RIC8A: variants seen among roughly 807,000 people sequenced by gnomAD.
The protein encoded by RIC8A is chaperone Ric-8A.
A neutral mutation model predicts 48.4 loss-of-function variants in RIC8A; 37 were observed. That is an observed-to-expected ratio of 0.77 (90% CI 0.59 to 1.01). The LOEUF is 1.01. Ranked by LOEUF, RIC8A falls within the 50% of genes least tolerant of loss-of-function variation. RIC8A has a pLI of 0.00. For synonymous variants in RIC8A, 288 were observed against 283.4 expected, an observed-to-expected ratio of 1.02 and a Z score of -0.16; for missense variants, 681 against 696.8, an observed-to-expected ratio of 0.98 and a Z score of 0.25.
At chr11:209,343 G>C (rs1476624505) in intron 2 of RIC8A, 25 bp downstream of exon 2, 1 of 1,607,776 alleles carries the variant, frequency 6.2e-7, no homozygotes, top group South Asian at 1.1e-5. Context: ...AAGGGGTAAA[G>C]GGGCAGGGAC....
At position 211,216 on chromosome 11, in the gene RIC8A, T is replaced by C. The variant is rs777907934; in HGVS notation, c.836T>C (p.Leu279Pro). ...GTCCCCAGCCACGCAGTGAACCTCC[T>C]GGGGAACTTGCCCCTCAAGTGTCTG... ...EEFHGHAVNL[L>P]GNLPLKCLDV... is the part of the protein sequence containing the mutation. The change falls in exon 5 of 10, where the codon CTG becomes CCG. Residue 279 changes from leucine to proline, a missense_variant. By Grantham distance (98) the Leu-to-Pro change is moderately conservative. Coordinates refer to ENST00000526104, the MANE Select transcript of RIC8A (RefSeq NM_001286134.2). The surrounding 1 kb of genome is among the most constrained non-coding windows in gnomAD (Gnocchi z 4.0). 6.2e-7 allele frequency: 1 copy of C among 1,613,844 alleles called. No individual in the cohort carries two copies. The highest frequency in any genetic ancestry group is 8.5e-7 in the Non-Finnish European group (1 of 1,179,802).
chr11:212,322 T>G, intron 5 of RIC8A, 94 bp from the exon 6 acceptor site: 15 of 1,211,124 alleles, frequency 1.2e-5, no homozygotes, highest in Non-Finnish European at 1.7e-5. Flanking sequence ...AGCTGTTGTG[T>G]ATGTTGGTGG....
In RIC8A at chr11:211,822, C is replaced by T. The variant is rs1199663616; in HGVS notation, c.969+473C>T. 2 of 160,278 alleles carry T rather than the reference C, an allele frequency of 1.2e-5. No individual in the cohort carries two copies. Among genetic ancestry groups the T allele is most frequent in the Admixed American group, 6.0e-5 (1 of 16,764 alleles). 9.9% of individuals were successfully genotyped at this position (160,278 alleles called of 1,614,324 possible). On this transcript the variant is annotated intron_variant, in intron 5 of 9. Coordinates refer to ENST00000526104, the MANE Select transcript of RIC8A (RefSeq NM_001286134.2). The surrounding 1 kb of genome is among the most constrained non-coding windows in gnomAD (Gnocchi z 4.0). ...GAAAGCAGGCTGGAGTACAATAAAC[C>T]GAGATTTAGTAGACCTCCTGGGAAT...
rs1041491957 is a variant in RIC8A, at chr11:215,104, T to C, written c.*754T>C. The C allele has an allele frequency of 6.5e-6, 1 of 154,460 alleles. No homozygotes were observed. The highest frequency in any genetic ancestry group is 2.4e-5 in the African/African-American group (1 of 41,454). The allele number at this position is 154,460 out of a possible 1,614,324, so 9.6% of individuals were successfully genotyped here. A position where few individuals can be genotyped will look rare whatever the true frequency, so the allele number is the denominator to read the frequency against. ...ATCATCTTGAAATAAAGAAGAGTTT[T>C]GGACAAAAATGTATGTGTAAATTAT... On this transcript the variant is annotated 3_prime_UTR_variant, in exon 10 of 10. Coordinates refer to ENST00000526104, the MANE Select transcript of RIC8A (RefSeq NM_001286134.2).
chr11:211,540 C>T lies in RIC8A; in HGVS notation c.969+191C>T. 1.8e-6 allele frequency: 1 copy of T among 565,220 alleles called. No homozygotes were observed. The highest frequency in any genetic ancestry group is 2.4e-5 in the South Asian group (1 of 41,282). 35.0% of individuals were successfully genotyped at this position (565,220 alleles called of 1,614,324 possible). ...AGCCAGACCCTTCCTCCATGAGAAG[C>T]ATGTGGACACCTTCCACACACTTGA... On this transcript the variant is annotated intron_variant, in intron 5 of 9. Transcript: ENST00000526104. The surrounding 1 kb of genome is among the most constrained non-coding windows in gnomAD (Gnocchi z 4.0).
rs182578891 is a variant in RIC8A, at chr11:210,568, C to T, written c.727-3C>T. ...TCACAGGAACCCTTCTTTCTTTGGT[C>T]AGGAAGACGCTGCCCTTTACCGACA... On this transcript the variant is annotated splice_polypyrimidine_tract_variant and splice_region_variant and intron_variant, in intron 3 of 9. Coordinates refer to ENST00000526104, the MANE Select transcript of RIC8A (RefSeq NM_001286134.2). The T allele has an allele frequency of 4.8e-4, 770 of 1,613,984 alleles. No individual in the cohort carries two copies. Among genetic ancestry groups the T allele is most frequent in the Non-Finnish European group, 6.2e-4 (728 of 1,179,896 alleles).
chr11:209,495 C>G lies in RIC8A; in HGVS notation c.221C>G (p.Ser74Cys). ...VIWLQSVRIL[S>C]RDRNCLDPFT... ...TGGCTGCAGAGTGTCCGAATCCTGT[C>G]CCGGGACCGCAACTGCCTGGACCCG... Residue 74 changes from serine to cysteine, a missense_variant, in exon 3 of 10, where the codon TCC (serine) becomes TGC (cysteine). Transcript: ENST00000526104. The G allele has an allele frequency of 6.2e-7, 1 of 1,613,022 alleles. No homozygotes were observed. The highest frequency in any genetic ancestry group is 8.5e-7 in the Non-Finnish European group (1 of 1,179,240).
chr11:209,965 A>C lies in RIC8A; in HGVS notation c.691A>C (p.Ile231Leu). The change falls in exon 3 of 10, where the codon ATC becomes CTC. Residue 231 changes from isoleucine (I) to leucine (L), a missense_variant. Transcript: ENST00000526104. ...AMEILKVLFN[I>L]TLDSIKGEVD... is the part of the protein sequence containing the mutation. ...GGAGATCCTCAAAGTGCTCTTCAAC[A>C]TCACCCTGGACTCCATCAAGGGGGA... The C allele has an allele frequency of 6.3e-7, 1 of 1,597,944 alleles. No individual in the cohort carries two copies. The highest frequency in any genetic ancestry group is 1.3e-5 in the African/African-American group (1 of 74,978).
intron 9 of RIC8A, 113 bp from the exon 10 acceptor site, chr11:214,117 G>A (rs2133757446): frequency 2.3e-6 from 3 of 1,278,236 alleles, no homozygotes; most frequent in Middle Eastern, 2.3e-4. Flanking sequence ...GGCTTCCCCA[G>A]TAAATGGGAG....
intron 9 of RIC8A, chr11:213,653 G>A: frequency 2.1e-6 from 1 of 486,184 alleles, no homozygotes; most frequent in Admixed American, 3.5e-5. Flanking sequence ...GAAATTAAGA[G>A]ACTGTCTAAG....
chr11:213,548 G>A (rs759178848), intron 9 of RIC8A, 130 bp downstream of exon 9: 20 of 1,293,724 alleles, frequency 1.5e-5, no homozygotes, highest in Admixed American at 9.4e-5. Context: ...CATTGCTCAC[G>A]TTTGAAATCA....
At position 214,334 on chromosome 11, in the gene RIC8A, A is replaced by ACT; in HGVS notation, c.1582_1583dup (p.Asp529ArgfsTer103). On this transcript the variant is annotated frameshift_variant, in exon 10 of 10. Transcript: ENST00000526104. LOFTEE classifies it high-confidence loss of function. Reference sequence around the variant, plus strand: ...GAGCAGCAGCTCTCCTCGGACCCTGACTCGGACCCTGACTGAGGATGGCAG... The same window carrying ACT: ...GAGCAGCAGCTCTCCTCGGACCCTGACTCTCGGACCCTGACTGAGGATGGCAG... 6.2e-7 allele frequency: 1 copy of ACT among 1,604,012 alleles called. No individual in the cohort carries two copies. Among genetic ancestry groups the ACT allele is most frequent in the Non-Finnish European group, 8.5e-7 (1 of 1,175,182 alleles).
rs752166696 is a variant in RIC8A, at chr11:213,366, CAGA to C, written c.1426_1428del (p.Lys476del). 1.1e-5 allele frequency: 17 copies of C among 1,611,948 alleles called. No homozygotes were observed. The highest frequency in any genetic ancestry group is 1.7e-5 in the Admixed American group (1 of 59,714). On this transcript the variant is annotated inframe_deletion, in exon 9 of 10. Transcript: ENST00000526104. Reference sequence around the variant, plus strand: ...CCCTATGGAGGGCATGACAGAGGAGCAGAAGGAGCACGAGGCCATGAAGCTGGT... The same window carrying C: ...CCCTATGGAGGGCATGACAGAGGAGCAGGAGCACGAGGCCATGAAGCTGGT...
rs764362506 is a variant in RIC8A, at chr11:209,134, G to C, written c.85-137G>C. 2.2e-5 allele frequency: 25 copies of C among 1,153,360 alleles called. No individual in the cohort carries two copies. In the East Asian group the frequency reaches 5.4e-4, roughly 25 times the overall value. 71.4% of individuals were successfully genotyped at this position (1,153,360 alleles called of 1,614,324 possible). A position where few individuals can be genotyped will look rare whatever the true frequency, so the allele number is the denominator to read the frequency against. ...CACCCGTTGGGTGGCAGGCGTGTAG[G>C]GATGGGGGCGAGTGCCGACCCTGCC... On this transcript the variant is annotated intron_variant, in intron 1 of 9. Transcript: ENST00000526104.
Position 211,544 on chromosome 11 carries a change from T to G in RIC8A, c.969+195T>G. ...AGACCCTTCCTCCATGAGAAGCATG[T>G]GGACACCTTCCACACACTTGAAGGT... On this transcript the variant is annotated intron_variant, in intron 5 of 9. Coordinates refer to ENST00000526104, the MANE Select transcript of RIC8A (RefSeq NM_001286134.2). This position sits in a 1 kb window ranked among gnomAD's most constrained non-coding sequence, Gnocchi z 4.0. 1 of 565,660 alleles carries G rather than the reference T, an allele frequency of 1.8e-6. No individual in the cohort carries two copies. Among genetic ancestry groups the G allele is most frequent in the South Asian group, 2.4e-5 (1 of 41,806 alleles). 35.0% of individuals were successfully genotyped at this position (565,660 alleles called of 1,614,324 possible).
chr11:212,564 A>G, intron 6 of RIC8A, 51 bp from the exon 7 acceptor site: 1 of 1,613,082 alleles, frequency 6.2e-7, no homozygotes, highest in Non-Finnish European at 8.5e-7. Flanking sequence ...GGCCCTGATC[A>G]CAGACCCTTG....
Position 207,814 on chromosome 11 carries a change from C to T in RIC8A, c.-1041C>T, listed in dbSNP as rs1377677257. ...ATGAGGAAGGAGCAGACCCCTCGGG[C>T]AGAAGCCCGCGAGGAGCACTGGGTG... is the stretch of plus-strand genomic sequence containing the variant. On this transcript the variant is annotated 5_prime_UTR_variant, in exon 1 of 10. Transcript: ENST00000526104. 6.4e-6 allele frequency: 1 copy of T among 155,598 alleles called. No homozygotes were observed. Among genetic ancestry groups the T allele is most frequent in the Non-Finnish European group, 1.4e-5 (1 of 69,496 alleles). The allele number at this position is 155,598 out of a possible 1,614,324, so 9.6% of individuals were successfully genotyped here.
intron 3 of RIC8A, chr11:210,215 G>A: frequency 1.6e-6 from 1 of 633,734 alleles, no homozygotes; most frequent in Non-Finnish European, 2.8e-6. Context: ...GGCTCTTGCT[G>A]CCTGGCAGGA....
At position 214,319 on chromosome 11, in the gene RIC8A, TCTC is replaced by T; in HGVS notation, c.1569_1571del (p.Ser524del). On this transcript the variant is annotated inframe_deletion, in exon 10 of 10. Coordinates refer to ENST00000526104, the MANE Select transcript of RIC8A (RefSeq NM_001286134.2). ...ATGTGCGAGACTATGGAGCAGCAGC[TCTC>T]CTCGGACCCTGACTCGGACCCTGAC... 1 of 1,610,940 alleles carries T rather than the reference TCTC, an allele frequency of 6.2e-7. No individual in the cohort carries two copies. Among genetic ancestry groups the T allele is most frequent in the Non-Finnish European group, 8.5e-7 (1 of 1,178,654 alleles).
Sources: gnomAD v4.1 joint callset for allele counts on GRCh38, gnomAD v4.1.1 for gene constraint, Gnocchi (gnomAD v3.1) non-coding constraint, MANE v1.5 for transcripts, NCBI Gene and HGNC (gene_info 2026-07-23, HGNC 2026-07-21) for gene names.